Variants in SHISA9 observed in about 807,000 individuals in gnomAD.
The protein encoded by SHISA9 is shisa family member 9, also known as protein shisa-9.
In SHISA9, 13 loss-of-function variants were observed where a neutral mutation model predicts 38.0. The observed-to-expected ratio is 0.34, with a 90% CI of 0.22 to 0.54. SHISA9 has a LOEUF of 0.54. SHISA9 is among the 20% of genes least tolerant of loss of function. The pLI, the probability that SHISA9 is intolerant of heterozygous loss-of-function variation, is 0.91. For synonymous variants in SHISA9, 275 were observed against 242.0 expected, an observed-to-expected ratio of 1.14 and a Z score of -1.27; for missense variants, 538 against 575.8, an observed-to-expected ratio of 0.93 and a Z score of 0.67.
intron 2 of SHISA9, among the ~76,000 whole-genome samples, chr16:13,109,889 C>T (rs566746533): frequency 6.6e-6 from 1 of 152,308 alleles, no homozygotes; most frequent in South Asian, 2.1e-4. Flanking sequence ...GGATAGACCA[C>T]TCCATTCACA....
chr16:12,992,575 A>G (rs2141833831), intron 2 of SHISA9, among the ~76,000 whole-genome samples: 1 of 151,924 alleles, frequency 6.6e-6, no homozygotes, highest in South Asian at 2.1e-4. Context: ...AAACAAAAAT[A>G]CCAAAATTGC....
At chr16:12,927,817 T>G (rs1218660525) in intron 2 of SHISA9, among the ~76,000 whole-genome samples, 1 of 152,048 alleles carries the variant, frequency 6.6e-6, no homozygotes, top group Non-Finnish European at 1.5e-5. Flanking sequence ...AGTTATCCAG[T>G]TCAAACCACC....
At chr16:12,918,393 T>A (rs559323809) in intron 2 of SHISA9, among the ~76,000 whole-genome samples, 1 of 152,338 alleles carries the variant, frequency 6.6e-6, no homozygotes, top group African/African-American at 2.4e-5. Context: ...AGTCCTTGGC[T>A]GTAAAAGGTG....
At chr16:13,140,334 A>C (rs900947224) in intron 2 of SHISA9, among the ~76,000 whole-genome samples, 1 of 151,582 alleles carries the variant, frequency 6.6e-6, no homozygotes, top group East Asian at 1.9e-4. Context: ...CCACCACCAC[A>C]ACCAGCTAAT....
chr16:13,274,336 G>A, the SHISA9 span, among the ~76,000 whole-genome samples: 3,028 of 152,106 alleles, frequency 0.02, 43 homozygotes, highest in Middle Eastern at 0.048. Context: ...ATACAAGATT[G>A]TTCTGCTTTA....
chr16:12,944,967 G>A (rs557016057), intron 2 of SHISA9, among the ~76,000 whole-genome samples: 1 of 152,264 alleles, frequency 6.6e-6, no homozygotes, highest in South Asian at 2.1e-4. Context: ...GCTCAGTCCT[G>A]CTGGAGAACT....
chr16:12,977,343 G>A (rs921531740), intron 2 of SHISA9, among the ~76,000 whole-genome samples: 1 of 152,128 alleles, frequency 6.6e-6, no homozygotes, highest in Non-Finnish European at 1.5e-5. Flanking sequence ...AGACTTCTTG[G>A]GGACTGACAT....
chr16:13,035,950 A>T (rs1056139782), intron 2 of SHISA9, among the ~76,000 whole-genome samples: 30 of 152,244 alleles, frequency 2.0e-4, no homozygotes, highest in Non-Finnish European at 2.9e-4. Context: ...TAAAACCACA[A>T]TAAGATACCA....
chr16:13,204,210 GTCTATCTATCTA>G (rs199860829), intron 3 of SHISA9, among the ~76,000 whole-genome samples: 72 of 141,106 alleles, frequency 5.1e-4, no homozygotes, highest in Admixed American at 3.6e-3. Flanking sequence ...CTGTCTGTCT[GTCTATCTATCTA>G]TCTATCTATC....
At chr16:12,948,131 A>C (rs2071710250) in intron 2 of SHISA9, among the ~76,000 whole-genome samples, 2 of 152,202 alleles carry the variant, frequency 1.3e-5, no homozygotes, top group Non-Finnish European at 2.9e-5. Context: ...TAATCTTTAT[A>C]ATGCGTCTAT....
intron 2 of SHISA9, among the ~76,000 whole-genome samples, chr16:13,078,782 G>A (rs374875839): frequency 4.6e-5 from 7 of 152,188 alleles, no homozygotes; most frequent in African/African-American, 1.7e-4. Context: ...CTGTGTGCCA[G>A]GCTCTATTCT....
In SHISA9 at chr16:12,909,063, TG is replaced by T. The variant is rs537577279; in HGVS notation, c.563+6438del. 69 of 994,840 alleles carry T rather than the reference TG, an allele frequency of 6.9e-5. No homozygotes were observed. The East Asian group carries it at 1.9e-3, about 27-fold the overall frequency. 61.6% of individuals were successfully genotyped at this position (994,840 alleles called of 1,614,324 possible). A position where few individuals can be genotyped will look rare whatever the true frequency, so the allele number is the denominator to read the frequency against. On this transcript the variant is annotated intron_variant, in intron 1 of 4. Coordinates refer to ENST00000558583, the MANE Select transcript of SHISA9 (RefSeq NM_001145204.3). ...TGCCTCTCATCTTTCTATGCATTTG[TG>T]GTTATCCTAAGGCTTTGACCAGCTT...
intron 2 of SHISA9, among the ~76,000 whole-genome samples, chr16:13,186,451 C>G (rs1428902657): frequency 6.6e-6 from 1 of 151,732 alleles, no homozygotes; most frequent in Non-Finnish European, 1.5e-5. Flanking sequence ...GTGCATGCCA[C>G]CACACCCGGC....
At chr16:13,159,687 G>A (rs2050578965) in intron 2 of SHISA9, among the ~76,000 whole-genome samples, 1 of 152,208 alleles carries the variant, frequency 6.6e-6, no homozygotes, top group Admixed American at 6.5e-5. Flanking sequence ...ATAGGTTCCA[G>A]ATATCAATTG....
rs1596759018 is a variant in SHISA9 at position 13,236,392 on chromosome 16, C to A, written c.*983C>A. 1 of 151,204 alleles carries A rather than the reference C, an allele frequency of 6.6e-6. No individual in the cohort carries two copies. The highest frequency in any genetic ancestry group is 1.9e-4 in the East Asian group (1 of 5,144). The allele number at this position is 151,204 out of a possible 1,614,324, so 9.4% of individuals were successfully genotyped here. A position where few individuals can be genotyped will look rare whatever the true frequency, so the allele number is the denominator to read the frequency against. On this transcript the variant is annotated 3_prime_UTR_variant, in exon 5 of 5. Coordinates refer to ENST00000558583, the MANE Select transcript of SHISA9 (RefSeq NM_001145204.3). ...AGTCCACAGGAGATCAGATGAGGATCCAGAAGCCTCTGATTTCTGGGTTTT... is the reference window on the plus strand; with the variant it reads ...AGTCCACAGGAGATCAGATGAGGATACAGAAGCCTCTGATTTCTGGGTTTT...
At chr16:13,460,396 A>G in the SHISA9 span, among the ~76,000 whole-genome samples, 4 of 152,116 alleles carry the variant, frequency 2.6e-5, no homozygotes, top group African/African-American at 7.2e-5. Context: ...AATCCTCACA[A>G]CAAGCCCCCC....
chr16:13,211,396 T>C (rs553197984), intron 3 of SHISA9, among the ~76,000 whole-genome samples: 1 of 152,144 alleles, frequency 6.6e-6, no homozygotes, highest in South Asian at 2.1e-4. Flanking sequence ...ATACTGGAGG[T>C]ATATTTTACA....
chr16:13,369,589 C>G, the SHISA9 span, among the ~76,000 whole-genome samples: 5 of 151,584 alleles, frequency 3.3e-5, no homozygotes, highest in Non-Finnish European at 7.4e-5. Flanking sequence ...GCAGAGGATG[C>G]AGCCAAGACT....
intron 2 of SHISA9, 103 bp from the exon 3 acceptor site, chr16:13,203,290 TA>T: frequency 8.4e-7 from 1 of 1,186,598 alleles, no homozygotes; most frequent in Non-Finnish European, 1.1e-6. Context: ...CTTGCGTCCC[TA>T]AAGGGTGGGG....
Sources: gnomAD v4.1 joint callset for allele counts (sites outside exome capture counted in the v4.1 genomes callset) on GRCh38, gnomAD v4.1.1 for gene constraint, MANE v1.5 for transcripts, NCBI Gene and HGNC (gene_info 2026-07-23, HGNC 2026-07-21) for gene names.